RIT2: variants seen among roughly 807,000 people sequenced by gnomAD.
RIT2 encodes Ras like without CAAX 2, also known as GTP-binding protein Rit2.
RIT2 carries 24 observed loss-of-function variants against 23.7 expected under a neutral mutation model. The observed-to-expected ratio is 1.01, with a 90% CI of 0.73 to 1.43. The LOEUF is 1.43. RIT2 is among the 40% of genes most tolerant of loss of function. The probability of loss-of-function intolerance (pLI) is 0.00; values close to 1 mark genes in which losing one functional copy is unlikely to be tolerated. For missense variants in RIT2, 236 were observed against 266.9 expected (o/e 0.88, Z 0.81); for synonymous variants, 107 against 91.1 (o/e 1.17, Z -0.99).
At chr18:42,802,966 T>C (rs1905582548) in intron 4 of RIT2, among the ~76,000 whole-genome samples, 1 of 152,182 alleles carries the variant, frequency 6.6e-6, no homozygotes, top group African/African-American at 2.4e-5. Context: ...TAGAGAGTAA[T>C]GGCTCTGCCC....
intron 2 of RIT2, among the ~76,000 whole-genome samples, chr18:43,021,980 A>G (rs960439103): frequency 1.3e-5 from 2 of 152,144 alleles, no homozygotes; most frequent in African/African-American, 4.8e-5. Context: ...CAAGGAAATT[A>G]CTATATCGGA....
intron 4 of RIT2, among the ~76,000 whole-genome samples, chr18:42,902,852 A>T (rs527756501): frequency 6.6e-6 from 1 of 151,928 alleles, no homozygotes; most frequent in Non-Finnish European, 1.5e-5. Flanking sequence ...TGTATCAGTA[A>T]TTATAGGCAA....
chr18:42,979,143 T>C (rs1910539049), intron 2 of RIT2, among the ~76,000 whole-genome samples: 1 of 152,110 alleles, frequency 6.6e-6, no homozygotes, highest in South Asian at 2.1e-4. Flanking sequence ...ACTAGAAATA[T>C]AAAGTTTTTG....
chr18:42,861,960 A>G (rs755813488), intron 4 of RIT2, among the ~76,000 whole-genome samples: 3 of 152,214 alleles, frequency 2.0e-5, no homozygotes, highest in Non-Finnish European at 2.9e-5. Context: ...AACTACCACA[A>G]TCCTAATCCT....
chr18:42,960,148 C>T (rs1278290278), intron 3 of RIT2, among the ~76,000 whole-genome samples: 1 of 152,116 alleles, frequency 6.6e-6, no homozygotes. Context: ...CTACTTTTCT[C>T]GGCATCATCT....
intron 1 of RIT2, among the ~76,000 whole-genome samples, chr18:43,083,819 C>G (rs934219615): frequency 5.3e-5 from 8 of 152,088 alleles, no homozygotes; most frequent in African/African-American, 1.7e-4. Context: ...AGGATATAGG[C>G]ATGGGCAAAG....
chr18:42,929,339 C>A (rs565924), intron 3 of RIT2, among the ~76,000 whole-genome samples: 12 of 151,926 alleles, frequency 7.9e-5, no homozygotes, highest in African/African-American at 2.9e-4. Context: ...CTAAGACTAA[C>A]CTGTAATTGT....
intron 1 of RIT2, among the ~76,000 whole-genome samples, chr18:43,039,471 C>T (rs1032308265): frequency 6.6e-6 from 1 of 151,642 alleles, no homozygotes; most frequent in African/African-American, 2.4e-5. Flanking sequence ...GCCTCAGCCT[C>T]CTGAGTAGCT....
chr18:42,938,644 G>C (rs1909520280), intron 3 of RIT2, among the ~76,000 whole-genome samples: 1 of 152,114 alleles, frequency 6.6e-6, no homozygotes, highest in African/African-American at 2.4e-5. Context: ...TCCAAATATG[G>C]AAAATATTCT....
intron 4 of RIT2, among the ~76,000 whole-genome samples, chr18:42,793,503 G>T (rs899279481): frequency 6.6e-6 from 1 of 152,046 alleles, no homozygotes; most frequent in African/African-American, 2.4e-5. Context: ...CTTGTTTAAG[G>T]AAAAGGTCTC....
At chr18:43,101,133 A>T (rs1598784550) in intron 1 of RIT2, among the ~76,000 whole-genome samples, 1 of 152,164 alleles carries the variant, frequency 6.6e-6, no homozygotes, top group Non-Finnish European at 1.5e-5. Flanking sequence ...ATTGAGGACT[A>T]TTAGGAATAA....
intron 3 of RIT2, among the ~76,000 whole-genome samples, chr18:42,972,419 C>T (rs1910383302): frequency 6.6e-6 from 1 of 151,742 alleles, no homozygotes; most frequent in East Asian, 1.9e-4. Context: ...ATCAATATTC[C>T]AATTATGCAG....
intron 3 of RIT2, among the ~76,000 whole-genome samples, chr18:42,973,762 G>T (rs1383141156): frequency 6.6e-6 from 1 of 151,620 alleles, no homozygotes; most frequent in Non-Finnish European, 1.5e-5. Context: ...TTCTCTAATA[G>T]AAATTATCAC....
intron 2 of RIT2, among the ~76,000 whole-genome samples, chr18:42,991,878 C>T (rs1910858582): frequency 6.6e-6 from 1 of 152,052 alleles, no homozygotes; most frequent in African/African-American, 2.4e-5. Context: ...TCGGACTCAG[C>T]CCGCCTGCGG....
chr18:42,904,448 G>A (rs1380408253), intron 4 of RIT2, among the ~76,000 whole-genome samples: 1 of 152,124 alleles, frequency 6.6e-6, no homozygotes, highest in Non-Finnish European at 1.5e-5. Flanking sequence ...TTCCCAGAGA[G>A]GGGCATGAGA....
At chr18:43,014,238 G>A (rs1231113505) in intron 2 of RIT2, among the ~76,000 whole-genome samples, 1 of 151,722 alleles carries the variant, frequency 6.6e-6, no homozygotes, top group Non-Finnish European at 1.5e-5. Context: ...ACATACTTCA[G>A]ACACATAGAT....
At chr18:42,929,269 G>A (rs1341775907) in intron 3 of RIT2, among the ~76,000 whole-genome samples, 2 of 151,730 alleles carry the variant, frequency 1.3e-5, no homozygotes, top group South Asian at 2.1e-4. Flanking sequence ...TCTTCTTGGG[G>A]TTTAGATAGC....
At position 43,040,689 on chromosome 18, in the gene RIT2, G is replaced by A. The variant is rs115859412; in HGVS notation, c.104-6822C>T. Among the ~76,000 whole-genome samples, 688 of 152,188 alleles carry A rather than the reference G, an allele frequency of 4.5e-3. 6 individuals carry two copies. The highest frequency in any genetic ancestry group is 0.016 in the African/African-American group (658 of 41,530). On this transcript the variant is annotated intron_variant, in intron 1 of 4. Coordinates refer to ENST00000326695, the MANE Select transcript of RIT2 (RefSeq NM_002930.4). ...GCTCCTCCTAACTACTATGAGATGG[G>A]GGTGCATGTTAGGAAGAAAAGAAAA... is the stretch of plus-strand genomic sequence containing the variant.
rs2850754 is a variant in RIT2, at chr18:42,934,039, G to A, written c.235-10276C>T. Among the ~76,000 whole-genome samples, 744 of 129,930 alleles carry A rather than the reference G, an allele frequency of 5.7e-3. 1 individual carries two copies. The highest frequency in any genetic ancestry group is 0.013 in the Middle Eastern group (3 of 232). 85.2% of individuals were successfully genotyped at this position (129,930 alleles called of 152,430 possible). On this transcript the variant is annotated intron_variant, in intron 3 of 4. Coordinates refer to ENST00000326695, the MANE Select transcript of RIT2 (RefSeq NM_002930.4). ...CTCACAGAAGAAAAAAAAAAAAAAAGAAAAAAAAAAAAAGAAACCTCTTTC... is the reference window on the plus strand; with the variant it reads ...CTCACAGAAGAAAAAAAAAAAAAAAAAAAAAAAAAAAAAGAAACCTCTTTC...
Sources: gnomAD v4.1 joint callset for allele counts (sites outside exome capture counted in the v4.1 genomes callset) on GRCh38, gnomAD v4.1.1 for gene constraint, MANE v1.5 for transcripts, NCBI Gene and HGNC (gene_info 2026-07-23, HGNC 2026-07-21) for gene names.